ATP6V0E1: variants seen among roughly 807,000 people sequenced by gnomAD.
ATP6V0E1 encodes the protein V-type proton ATPase subunit e 1.
Under a neutral mutation model 11.6 loss-of-function variants are expected in ATP6V0E1, and 4 were observed. The observed-to-expected ratio is 0.35, with a 90% CI of 0.17 to 0.79. The LOEUF (loss-of-function observed/expected upper bound fraction) is 0.79, where lower values mean the gene tolerates loss of function less well. Among genes scored for constraint, ATP6V0E1 ranks in the 30% least tolerant of loss-of-function variants. The pLI, the probability that ATP6V0E1 is intolerant of heterozygous loss-of-function variation, is 0.54. For missense variants in ATP6V0E1, 105 were observed against 100.0 expected (o/e 1.05, Z -0.21); for synonymous variants, 36 against 34.8 (o/e 1.04, Z -0.13).
At chr5:172,998,958 G>A (rs1021099782) in intron 2 of ATP6V0E1, among the ~76,000 whole-genome samples, 2 of 152,090 alleles carry the variant, frequency 1.3e-5, no homozygotes, top group African/African-American at 4.8e-5. Flanking sequence ...CCAACACGGT[G>A]AAACCCCATC....
At chr5:173,016,492 C>T (rs913527578) in intron 2 of ATP6V0E1, among the ~76,000 whole-genome samples, 4 of 152,204 alleles carry the variant, frequency 2.6e-5, no homozygotes, top group African/African-American at 7.2e-5. Flanking sequence ...AGGAGAACCA[C>T]TCCGCTACAA....
Position 172,994,749 on chromosome 5 carries a change from A to G in ATP6V0E1, c.105-26A>G, listed in dbSNP as rs574712782. 4 of 1,511,102 alleles carry G rather than the reference A, an allele frequency of 2.6e-6. No homozygotes were observed. In the East Asian group the frequency reaches 7.0e-5, roughly 26 times the overall value. 93.6% of individuals were successfully genotyped at this position (1,511,102 alleles called of 1,614,324 possible). ...TGCATAGTTTGCTAGTTATTTAATGACATTTGCATTTTTTTTTTTTTTTAG... is the reference window on the plus strand; with the variant it reads ...TGCATAGTTTGCTAGTTATTTAATGGCATTTGCATTTTTTTTTTTTTTTAG... On this transcript the variant is annotated intron_variant, in intron 1 of 3. Transcript: ENST00000519374.
intron 3 of ATP6V0E1, among the ~76,000 whole-genome samples, chr5:173,028,347 T>C (rs1217283484): frequency 6.6e-6 from 1 of 152,218 alleles, no homozygotes; most frequent in Non-Finnish European, 1.5e-5. Context: ...GATTGAGTTT[T>C]GTTTAACCTT....
At chr5:172,996,931 T>C (rs1283676931) in intron 2 of ATP6V0E1, among the ~76,000 whole-genome samples, 1 of 140,566 alleles carries the variant, frequency 7.1e-6, no homozygotes, top group Non-Finnish European at 1.5e-5. Context: ...CTGGTTGTTA[T>C]CTGGGTTTGG....
At chr5:172,996,101 A>C (rs1756060946) in intron 2 of ATP6V0E1, among the ~76,000 whole-genome samples, 1 of 152,164 alleles carries the variant, frequency 6.6e-6, no homozygotes, top group Non-Finnish European at 1.5e-5. Flanking sequence ...TTTTTCCAGA[A>C]ACATTTTAAT....
chr5:173,017,449 G>A (rs536605393), intron 2 of ATP6V0E1, among the ~76,000 whole-genome samples: 4 of 151,542 alleles, frequency 2.6e-5, no homozygotes, highest in Non-Finnish European at 4.4e-5. Flanking sequence ...CGGGAGAATC[G>A]CTTGAACCCG....
intron 2 of ATP6V0E1, among the ~76,000 whole-genome samples, chr5:172,998,036 G>A (rs542498262): frequency 1.4e-4 from 22 of 152,072 alleles, no homozygotes; most frequent in Admixed American, 6.5e-4. Context: ...CTGAGCCCGG[G>A]GAAGTCAAGG....
intron 1 of ATP6V0E1, among the ~76,000 whole-genome samples, chr5:172,993,238 G>C (rs1452819310): frequency 2.0e-5 from 3 of 152,164 alleles, no homozygotes; most frequent in Non-Finnish European, 4.4e-5. Flanking sequence ...TACACACACA[G>C]TGGCTCATGC....
At chr5:173,027,178 C>CAAAAAAA (rs1158447516) in intron 3 of ATP6V0E1, among the ~76,000 whole-genome samples, 1 of 26,048 alleles carries the variant, frequency 3.8e-5, no homozygotes, top group African/African-American at 1.4e-4. Context: ...GACTCCGTCT[C>CAAAAAAA]AAAAAAAAAA....
In ATP6V0E1 at chr5:173,027,323, T is replaced by TAAAA. The variant is rs747815879; in HGVS notation, c.*36+6973_*36+6976dup. Among the ~76,000 whole-genome samples, 631 of 104,324 alleles carry TAAAA rather than the reference T, an allele frequency of 6.0e-3. 13 individuals carry two copies. The highest frequency in any genetic ancestry group is 0.021 in the African/African-American group (589 of 28,454). The allele number at this position is 104,324 out of a possible 152,430, so 68.4% of individuals were successfully genotyped here. On this transcript the variant is annotated intron_variant, in intron 3 of 3. Transcript: ENST00000519374. ...TAACACGGTGAAACCCTGTCTCTAC[T>TAAAA]AAAAAAAAAAAAAAAAAAAATACAA...
rs146074305 is a variant in ATP6V0E1 at position 172,993,578 on chromosome 5, G to A, written c.105-1197G>A. Among the ~76,000 whole-genome samples, 1,483 of 151,602 alleles carry A rather than the reference G, an allele frequency of 9.8e-3. 15 individuals carry two copies. Among genetic ancestry groups the A allele is most frequent in the South Asian group, 0.039 (188 of 4,780 alleles). The stretch of plus-strand genomic sequence containing the variant: ...AAAGAAAAATAAGAGTTCTGGGCCA[G>A]GTGTGGTGGCTCACACCAGTAATCC... On this transcript the variant is annotated intron_variant, in intron 1 of 3. Transcript: ENST00000519374.
chr5:173,005,386 C>T (rs796734468), intron 2 of ATP6V0E1, among the ~76,000 whole-genome samples: 8 of 152,140 alleles, frequency 5.3e-5, no homozygotes, highest in African/African-American at 1.7e-4. Flanking sequence ...TTGGGGTTTT[C>T]GTTTTTTAAT....
chr5:173,024,370 G>A (rs1001229505), intron 3 of ATP6V0E1, among the ~76,000 whole-genome samples: 3 of 151,670 alleles, frequency 2.0e-5, no homozygotes, highest in African/African-American at 7.3e-5. Context: ...CCTTTATATG[G>A]TTGTGTTTTG....
At chr5:173,001,820 G>C (rs189402683) in intron 2 of ATP6V0E1, among the ~76,000 whole-genome samples, 9 of 151,114 alleles carry the variant, frequency 6.0e-5, no homozygotes, top group Non-Finnish European at 1.2e-4. Context: ...CCAGTTTCAA[G>C]TGATTCTCTT....
At chr5:173,005,966 C>T (rs934972025) in intron 2 of ATP6V0E1, among the ~76,000 whole-genome samples, 1 of 152,180 alleles carries the variant, frequency 6.6e-6, no homozygotes, top group African/African-American at 2.4e-5. Context: ...AGAAGATATA[C>T]TCTCTAAGAT....
In ATP6V0E1 at chr5:173,012,773, A is replaced by C. The variant is rs571163058; in HGVS notation, c.153-7465A>C. ...CCATCTCAAAAAAAAAAAAAAGAAA[A>C]GATTTAAACATAAGACCTGAAATTA... On this transcript the variant is annotated intron_variant, in intron 2 of 3. Transcript: ENST00000519374. 8.5e-5 allele frequency among the ~76,000 whole-genome samples: 13 copies of C among 152,172 alleles called. No homozygotes were observed. In the East Asian group the frequency reaches 2.5e-3, roughly 29 times the overall value.
intron 3 of ATP6V0E1, among the ~76,000 whole-genome samples, chr5:173,027,382 G>T (rs1270269593): frequency 7.1e-6 from 1 of 141,568 alleles, no homozygotes; most frequent in East Asian, 2.5e-4. Context: ...GGTGCCTGTA[G>T]TCCCAGTTAC....
chr5:173,026,646 G>A (rs1305645121), intron 3 of ATP6V0E1, among the ~76,000 whole-genome samples: 1 of 152,116 alleles, frequency 6.6e-6, no homozygotes, highest in African/African-American at 2.4e-5. Flanking sequence ...CTGGTGTATA[G>A]AGATGTTTCT....
intron 3 of ATP6V0E1, among the ~76,000 whole-genome samples, chr5:173,025,369 T>C (rs1485941083): frequency 6.6e-6 from 1 of 151,576 alleles, no homozygotes; most frequent in African/African-American, 2.4e-5. Context: ...GGTCTCGAAC[T>C]CCTGACCTCA....
Sources: allele counts gnomAD v4.1 joint callset (sites outside exome capture counted in the v4.1 genomes callset), GRCh38; gene constraint gnomAD v4.1.1; transcripts MANE v1.5; gene names NCBI Gene and HGNC (gene_info 2026-07-23, HGNC 2026-07-21).